The following CDKAL1 variants were observed in gnomAD, a reference collection of about 807,000 sequenced individuals.
The protein encoded by CDKAL1 is CDKAL1 threonylcarbamoyladenosine tRNA methylthiotransferase, also known as threonylcarbamoyladenosine tRNA methylthiotransferase.
Under a neutral mutation model 68.2 loss-of-function variants are expected in CDKAL1, and 32 were observed. That is an observed-to-expected ratio of 0.47 (90% CI 0.35 to 0.63). CDKAL1 has a LOEUF of 0.63. Ranked by LOEUF, CDKAL1 falls within the 30% of genes least tolerant of loss-of-function variation. CDKAL1 has a pLI of 0.00. For missense variants in CDKAL1, 606 were observed against 696.7 expected (o/e 0.87, Z 1.47); for synonymous variants, 234 against 244.3 (o/e 0.96, Z 0.39).
At chr6:21,043,347 TTGTG>T (rs34254730) in intron 11 of CDKAL1, among the ~76,000 whole-genome samples, 3 of 150,382 alleles carry the variant, frequency 2.0e-5, no homozygotes, top group South Asian at 2.1e-4. Flanking sequence ...GTGTGTGTGT[TTGTG>T]TGTGTGTGTG....
At chr6:20,628,678 T>G (rs956445305) in intron 4 of CDKAL1, among the ~76,000 whole-genome samples, 1 of 152,122 alleles carries the variant, frequency 6.6e-6, no homozygotes, top group African/African-American at 2.4e-5. Context: ...AAAAAATACT[T>G]CATGTGGTTA....
chr6:20,750,487 G>A (rs1034567761), intron 6 of CDKAL1, among the ~76,000 whole-genome samples: 9 of 152,150 alleles, frequency 5.9e-5, no homozygotes, highest in African/African-American at 1.9e-4. Context: ...TGAGTCTCTT[G>A]AAAGTTCACG....
chr6:20,873,572 G>C (rs942697614), intron 9 of CDKAL1, among the ~76,000 whole-genome samples: 1 of 152,100 alleles, frequency 6.6e-6, no homozygotes, highest in Admixed American at 6.5e-5. Flanking sequence ...GCCAGGAAGC[G>C]GTAGTTCTGT....
At chr6:21,072,749 A>G (rs1478508199) in intron 12 of CDKAL1, among the ~76,000 whole-genome samples, 1 of 151,018 alleles carries the variant, frequency 6.6e-6, no homozygotes, top group African/African-American at 2.4e-5. Context: ...AAAATAACAC[A>G]TAGAGTTGCT....
intron 4 of CDKAL1, among the ~76,000 whole-genome samples, chr6:20,613,611 G>A (rs1379022628): frequency 6.7e-6 from 1 of 149,142 alleles, no homozygotes; most frequent in Non-Finnish European, 1.5e-5. Context: ...TGAAGTAGTA[G>A]TATATTCCAT....
chr6:20,882,402 C>T (rs1030686947), intron 9 of CDKAL1, among the ~76,000 whole-genome samples: 19 of 152,160 alleles, frequency 1.2e-4, no homozygotes, highest in Non-Finnish European at 2.4e-4. Flanking sequence ...CTTCCATCTG[C>T]GTTTCCATAT....
intron 15 of CDKAL1, among the ~76,000 whole-genome samples, chr6:21,223,191 A>G (rs1023505147): frequency 2.6e-5 from 4 of 152,176 alleles, no homozygotes; most frequent in Admixed American, 1.3e-4. Context: ...TGTAATAACT[A>G]TGCAGTGCCC....
rs146477043 is a variant in CDKAL1 at position 20,965,559 on chromosome 6, C to T, written c.909+9974C>T. Among the ~76,000 whole-genome samples the T allele has an allele frequency of 8.2e-3, 1,256 of 152,270 alleles. 6 individuals carry two copies. Among genetic ancestry groups the T allele is most frequent in the South Asian group, 0.012 (57 of 4,818 alleles). ...TAAAGATCTCTCTCACTCTAACATACTTGAAAAACATAAAAATTTACATAT... is the reference window on the plus strand; with the variant it reads ...TAAAGATCTCTCTCACTCTAACATATTTGAAAAACATAAAAATTTACATAT... On this transcript the variant is annotated intron_variant, in intron 10 of 15. Transcript: ENST00000274695.
chr6:20,899,519 A>G (rs1442226899), intron 9 of CDKAL1, among the ~76,000 whole-genome samples: 1 of 151,998 alleles, frequency 6.6e-6, no homozygotes, highest in African/African-American at 2.4e-5. Context: ...ACCTGGTACA[A>G]TGCTAAGCAA....
chr6:21,018,760 T>C (rs1463584381), intron 11 of CDKAL1, among the ~76,000 whole-genome samples: 2 of 152,202 alleles, frequency 1.3e-5, no homozygotes, highest in East Asian at 3.8e-4. Flanking sequence ...GTTTATGATT[T>C]TTTTGTTGTA....
At chr6:20,570,946 G>A (rs1256589434) in intron 4 of CDKAL1, among the ~76,000 whole-genome samples, 1 of 151,872 alleles carries the variant, frequency 6.6e-6, no homozygotes, top group Non-Finnish European at 1.5e-5. Context: ...TCTACTTTTG[G>A]TCTCCTTATC....
At chr6:21,158,563 C>G (rs975401692) in intron 13 of CDKAL1, among the ~76,000 whole-genome samples, 14 of 152,142 alleles carry the variant, frequency 9.2e-5, no homozygotes, top group African/African-American at 2.9e-4. Flanking sequence ...AGGGTTTATG[C>G]CCCACCATTT....
intron 4 of CDKAL1, among the ~76,000 whole-genome samples, chr6:20,616,026 A>G (rs1766879748): frequency 6.7e-6 from 1 of 149,034 alleles, no homozygotes; most frequent in Admixed American, 6.7e-5. Flanking sequence ...AGCACCATTT[A>G]TTAAATAGGG....
At position 21,231,962 on chromosome 6, in the gene CDKAL1, C is replaced by T. The variant is rs1338956860; in HGVS notation, c.*923C>T. 6.6e-6 allele frequency: 1 copy of T among 150,608 alleles called. No homozygotes were observed. The highest frequency in any genetic ancestry group is 1.5e-5 in the Non-Finnish European group (1 of 67,758). 9.3% of individuals were successfully genotyped at this position (150,608 alleles called of 1,614,324 possible). On this transcript the variant is annotated 3_prime_UTR_variant, in exon 16 of 16. Transcript: ENST00000274695. ...CTGGATTTGTCGAAAACTAATTGTG[C>T]CCATTTTCTCACATTTTTGATCCAT... is the stretch of plus-strand genomic sequence containing the variant.
rs148596618 is a variant in CDKAL1 at position 20,616,690 on chromosome 6, A to T, written c.287-32603A>T. 3.3e-3 allele frequency among the ~76,000 whole-genome samples: 506 copies of T among 151,738 alleles called. 5 individuals are homozygous for T. The highest frequency in any genetic ancestry group is 3.8e-3 in the Non-Finnish European group (260 of 67,950). ...CTTAAGGAGATTTTGGGCTGAGACA[A>T]TGGGGTTTTCTAGATATATTTGACT... is the stretch of plus-strand genomic sequence containing the variant. On this transcript the variant is annotated intron_variant, in intron 4 of 15. Transcript: ENST00000274695.
chr6:21,142,800 C>T (rs1775984967), intron 13 of CDKAL1, among the ~76,000 whole-genome samples: 1 of 152,132 alleles, frequency 6.6e-6, no homozygotes, highest in Non-Finnish European at 1.5e-5. Flanking sequence ...ACTTTTACAA[C>T]ATTATTGGAA....
At chr6:21,086,058 G>A (rs1044017374) in intron 12 of CDKAL1, among the ~76,000 whole-genome samples, 1 of 152,184 alleles carries the variant, frequency 6.6e-6, no homozygotes, top group Non-Finnish European at 1.5e-5. Context: ...CTTGTGTAGT[G>A]CTTGCCGCCT....
chr6:21,094,645 A>T (rs1026365043), intron 12 of CDKAL1, among the ~76,000 whole-genome samples: 1 of 152,232 alleles, frequency 6.6e-6, no homozygotes, highest in Non-Finnish European at 1.5e-5. Context: ...TAAATTGCCG[A>T]GGAATTTAAA....
chr6:20,912,540 A>G (rs1409854547), intron 9 of CDKAL1, among the ~76,000 whole-genome samples: 1 of 152,204 alleles, frequency 6.6e-6, no homozygotes, highest in African/African-American at 2.4e-5. Context: ...TCAAGAATGA[A>G]ATCAAAGACA....
Sources: gnomAD v4.1 joint callset for allele counts (sites outside exome capture counted in the v4.1 genomes callset) on GRCh38, gnomAD v4.1.1 for gene constraint, MANE v1.5 for transcripts, NCBI Gene and HGNC (gene_info 2026-07-23, HGNC 2026-07-21) for gene names.